NALCN: variants seen among roughly 807,000 people sequenced by gnomAD.
NALCN encodes sodium leak channel NALCN.
Under a neutral mutation model 225.3 loss-of-function variants are expected in NALCN, and 111 were observed. The observed-to-expected ratio is 0.49, with a 90% CI of 0.42 to 0.58. The LOEUF is 0.58. Ranked by LOEUF, NALCN falls within the 20% of genes least tolerant of loss-of-function variation. The pLI is 0.00. For missense variants in NALCN, 1,378 were observed against 2,202.4 expected, an observed-to-expected ratio of 0.63 and a Z score of 7.49; for synonymous variants, 764 against 769.0, an observed-to-expected ratio of 0.99 and a Z score of 0.11.
At chr13:101,091,519 T>C (rs1026885672) in intron 28 of NALCN, among the ~76,000 whole-genome samples, 2 of 152,208 alleles carry the variant, frequency 1.3e-5, no homozygotes, top group African/African-American at 4.8e-5. Context: ...CGGTCTTTAA[T>C]ATAGTGCAAA....
chr13:101,109,041 G>A (rs1198908709), intron 20 of NALCN, among the ~76,000 whole-genome samples: 1 of 152,152 alleles, frequency 6.6e-6, no homozygotes, highest in African/African-American at 2.4e-5. Context: ...TTCAAATAGG[G>A]CCTTTGCTGT....
At chr13:101,290,973 A>C in intron 9 of NALCN, among the ~76,000 whole-genome samples, 1 of 152,138 alleles carries the variant, frequency 6.6e-6, no homozygotes, top group East Asian at 1.9e-4. Context: ...CCTTTTTTTA[A>C]CACCACAAAA....
chr13:101,090,974 C>A (rs920022994), intron 28 of NALCN, among the ~76,000 whole-genome samples: 4 of 152,104 alleles, frequency 2.6e-5, no homozygotes, highest in Non-Finnish European at 5.9e-5. Context: ...TGTCTCATTT[C>A]TTGTTCTTTT....
chr13:101,283,944 C>T lies in NALCN; in HGVS notation c.1123G>A (p.Ala375Thr). Reference sequence around the variant, plus strand: ...TCATTGTACTGCACCTGGAGGCAGGCTGGGGCGCGTCCCTGGGGCTTGTTG... The same window carrying T: ...TCATTGTACTGCACCTGGAGGCAGGTTGGGGCGCGTCCCTGGGGCTTGTTG... ...DVNKPQGRAP[A>T]CLQKMMRSSV... Residue 375 changes from alanine to threonine, a missense_variant, in exon 10 of 44, where the codon GCC becomes ACC. Coordinates refer to ENST00000251127, the MANE Select transcript of NALCN (RefSeq NM_052867.4). The T allele has an allele frequency of 6.2e-7, 1 of 1,612,660 alleles. No homozygotes were observed. Among genetic ancestry groups the T allele is most frequent in the Non-Finnish European group, 8.5e-7 (1 of 1,179,590 alleles).
At chr13:101,164,013 C>T (rs935329276) in intron 15 of NALCN, among the ~76,000 whole-genome samples, 1 of 152,070 alleles carries the variant, frequency 6.6e-6, no homozygotes, top group Non-Finnish European at 1.5e-5. Flanking sequence ...GTGTCTGTGT[C>T]TGTGTCTCTT....
intron 14 of NALCN, chr13:101,180,966 T>G (rs1222491753): frequency 4.6e-6 from 2 of 433,690 alleles, no homozygotes; most frequent in East Asian, 1.1e-4. Flanking sequence ...CACGCAAGTG[T>G]GAAGAAGGAG....
chr13:101,090,556 T>C (rs955609175), intron 28 of NALCN, among the ~76,000 whole-genome samples: 3 of 152,140 alleles, frequency 2.0e-5, no homozygotes, highest in Non-Finnish European at 4.4e-5. Context: ...GGTGTTTGCT[T>C]GTAGTATGTA....
chr13:101,129,615 T>A (rs2036413855), intron 17 of NALCN, among the ~76,000 whole-genome samples: 1 of 152,184 alleles, frequency 6.6e-6, no homozygotes, highest in African/African-American at 2.4e-5. Flanking sequence ...CAAGAACATA[T>A]CTAGAGCCCA....
At chr13:101,358,240 C>A (rs1277609201) in intron 6 of NALCN, among the ~76,000 whole-genome samples, 1 of 152,116 alleles carries the variant, frequency 6.6e-6, no homozygotes, top group Admixed American at 6.5e-5. Flanking sequence ...AAACTATCAT[C>A]AGAGTGAACA....
At chr13:101,105,037 C>T (rs2035024291) in intron 22 of NALCN, 87 bp from the exon 23 acceptor site, 1 of 1,166,294 alleles carries the variant, frequency 8.6e-7, no homozygotes, top group Non-Finnish European at 1.3e-6. Flanking sequence ...ATCTCATCTA[C>T]CTAAAATCTC....
At chr13:101,153,229 C>T (rs556084514) in intron 15 of NALCN, among the ~76,000 whole-genome samples, 10 of 152,224 alleles carry the variant, frequency 6.6e-5, no homozygotes, top group East Asian at 5.8e-4. Flanking sequence ...AAATGCCAGA[C>T]GTGTAAGTGA....
intron 38 of NALCN, 31 bp downstream of exon 38, chr13:101,068,664 G>A: frequency 1.3e-6 from 2 of 1,540,832 alleles, no homozygotes; most frequent in Non-Finnish European, 1.7e-6. Context: ...TGAGTTTAAA[G>A]AGTAAAAAGT....
chr13:101,317,314 C>T (rs1201121964), intron 7 of NALCN, among the ~76,000 whole-genome samples: 12 of 152,110 alleles, frequency 7.9e-5, no homozygotes, highest in Admixed American at 7.9e-4. Context: ...GAGATGAAGG[C>T]AAGACATTTT....
intron 20 of NALCN, among the ~76,000 whole-genome samples, chr13:101,109,276 CAGAT>C (rs2035304197): frequency 6.6e-6 from 1 of 152,164 alleles, no homozygotes; most frequent in Admixed American, 6.5e-5. Context: ...GGTAGCCAAT[CAGAT>C]AGAGCTATGG....
At position 101,283,983 on chromosome 13, in the gene NALCN, C is replaced by T; in HGVS notation, c.1084G>A (p.Val362Ile). The T allele has an allele frequency of 6.2e-7, 1 of 1,613,682 alleles. No individual in the cohort carries two copies. The highest frequency in any genetic ancestry group is 8.5e-7 in the Non-Finnish European group (1 of 1,179,874). ...TGGGGCTTGTTGACATCCACAGCTA[C>T]CAGCTGCCAACCTCCAGCAGCATCT... The part of the protein sequence containing the change: ...HEDAAGGWQL[V>I]AVDVNKPQGR... Residue 362 changes from valine to isoleucine, a missense_variant, in exon 10 of 44, where the codon GTA becomes ATA. Physicochemically the swap from Val to Ile is conservative, Grantham distance 29. This residue lies in a region of NALCN where 144 missense variants were observed against 187.7 expected (regional missense o/e 0.77). Transcript: ENST00000251127.
At chr13:101,142,588 T>C (rs2037141596) in intron 17 of NALCN, among the ~76,000 whole-genome samples, 1 of 152,194 alleles carries the variant, frequency 6.6e-6, no homozygotes, top group African/African-American at 2.4e-5. Flanking sequence ...TTTCAAATGA[T>C]AAAGAAATAG....
chr13:101,345,676 TTCTATCTATCTATCTATCTA>T (rs71676800), intron 6 of NALCN, among the ~76,000 whole-genome samples: 7 of 127,870 alleles, frequency 5.5e-5, no homozygotes, highest in Non-Finnish European at 7.9e-5. Context: ...CCTTTGCTCT[TTCTATCTATCTATCTATCTA>T]TCTATCTATC....
chr13:101,350,583 T>C (rs1184138286), intron 6 of NALCN, among the ~76,000 whole-genome samples: 1 of 152,204 alleles, frequency 6.6e-6, no homozygotes, highest in Non-Finnish European at 1.5e-5. Flanking sequence ...CTTAGTGTAA[T>C]TTCCAATTCC....
intron 10 of NALCN, among the ~76,000 whole-genome samples, chr13:101,271,932 C>A (rs1480545628): frequency 6.8e-6 from 1 of 146,616 alleles, no homozygotes; most frequent in East Asian, 2.0e-4. Context: ...TGTGTATGTA[C>A]GTGTGAAGTG....
Sources: gnomAD v4.1 joint callset for allele counts (sites outside exome capture counted in the v4.1 genomes callset) on GRCh38, gnomAD v4.1.1 for gene constraint, gnomAD v4.1.1 regional missense constraint, MANE v1.5 for transcripts, NCBI Gene and HGNC (gene_info 2026-07-23, HGNC 2026-07-21) for gene names.